Variants in CCDC80 observed in about 807,000 individuals in gnomAD.
CCDC80 encodes coiled-coil domain containing 80.
CCDC80 carries 49 observed loss-of-function variants against 78.7 expected under a neutral mutation model. The ratio of observed to expected loss-of-function variants is 0.62; its 90% CI spans 0.50 to 0.79. CCDC80 has a LOEUF of 0.79. CCDC80 is among the 30% of genes least tolerant of loss of function. The pLI is 0.00. For synonymous variants in CCDC80, 488 were observed against 447.0 expected (o/e 1.09, Z -1.16); for missense variants, 1,205 against 1,198.6 (o/e 1.01, Z -0.08).
At chr3:112,626,054 C>T (rs1024336688) in intron 3 of CCDC80, among the ~76,000 whole-genome samples, 6 of 152,144 alleles carry the variant, frequency 3.9e-5, no homozygotes, top group African/African-American at 1.4e-4. Flanking sequence ...ATTCTTCAAA[C>T]ACTTGTTTTG....
chr3:112,607,390 A>C (rs1427120831), intron 6 of CCDC80, 134 bp from the exon 7 acceptor site: 1 of 532,236 alleles, frequency 1.9e-6, no homozygotes, highest in East Asian at 3.3e-5. Context: ...ATTGAGAAGA[A>C]TAATCCATTT....
In CCDC80 at chr3:112,601,665, T is replaced by G. The variant is rs573852188; in HGVS notation, c.*3752A>C. On this transcript the variant is annotated 3_prime_UTR_variant, in exon 8 of 8. Coordinates refer to ENST00000206423, the MANE Select transcript of CCDC80 (RefSeq NM_199511.3). Reference sequence around the variant, plus strand: ...CTGCACTGCAGCCTGGGTGACAGAGTGAGACCCTCTCCAAAAAAAGAAAAA... The same window carrying G: ...CTGCACTGCAGCCTGGGTGACAGAGGGAGACCCTCTCCAAAAAAAGAAAAA... The G allele has an allele frequency of 7.9e-6, 1 of 126,754 alleles. No individual in the cohort carries two copies. Among genetic ancestry groups the G allele is most frequent in the Admixed American group, 8.4e-5 (1 of 11,908 alleles). The allele number at this position is 126,754 out of a possible 1,614,324, so 7.9% of individuals were successfully genotyped here. A position where few individuals can be genotyped will look rare whatever the true frequency, so the allele number is the denominator to read the frequency against.
At chr3:112,613,596 TTGAAACCC>T (rs1250280997) in intron 5 of CCDC80, among the ~76,000 whole-genome samples, 1 of 152,120 alleles carries the variant, frequency 6.6e-6, no homozygotes, top group Non-Finnish European at 1.5e-5. Context: ...CTTTCAAATT[TTGAAACCC>T]TTGACATAGT....
chr3:112,629,810 T>C (rs938560743), intron 3 of CCDC80, among the ~76,000 whole-genome samples: 9 of 152,210 alleles, frequency 5.9e-5, no homozygotes, highest in Admixed American at 3.9e-4. Flanking sequence ...CCAGAAAAAG[T>C]GTCTGAATGC....
Position 112,639,302 on chromosome 3 carries a change from T to G in CCDC80, c.604A>C (p.Arg202=). 1 of 1,614,182 alleles carries G rather than the reference T, an allele frequency of 6.2e-7. No individual in the cohort carries two copies. The highest frequency in any genetic ancestry group is 8.5e-7 in the Non-Finnish European group (1 of 1,180,028). Residue 202 remains arginine (R), a synonymous_variant, in exon 2 of 8, where the codon AGG becomes CGG. Coordinates refer to ENST00000206423, the MANE Select transcript of CCDC80 (RefSeq NM_199511.3). ...QAGEEGGKVR[R]ITSEGQILEQ... The stretch of plus-strand genomic sequence containing the variant: ...AGGATCTGGCCCTCGCTGGTGATCC[T>G]TCTCACCTTGCCTCCTTCCTCACCT...
intron 3 of CCDC80, among the ~76,000 whole-genome samples, chr3:112,626,443 C>CTA (rs1553747641): frequency 5.3e-5 from 8 of 151,992 alleles, no homozygotes; most frequent in Non-Finnish European, 8.8e-5. Context: ...ATCCTGATGA[C>CTA]TGAGGTTTCT....
intron 6 of CCDC80, 92 bp from the exon 7 acceptor site, chr3:112,607,348 T>TAGCAGTAACTCCAC: frequency 1.1e-6 from 1 of 883,080 alleles, no homozygotes; most frequent in South Asian, 1.8e-5. Flanking sequence ...TAAAAATCTC[T>TAGCAGTAACTCCAC]TAAATTTAAA....
chr3:112,614,346 A>G (rs548885129), intron 5 of CCDC80, among the ~76,000 whole-genome samples: 9 of 152,316 alleles, frequency 5.9e-5, no homozygotes, highest in Non-Finnish European at 1.2e-4. Context: ...AACTTGAAGT[A>G]TATTTATCAC....
At position 112,597,282 on chromosome 3, in the gene CCDC80, TAAGA is replaced by T. The variant is rs1320213195; in HGVS notation, c.*8131_*8134del. The T allele has an allele frequency of 6.6e-6, 1 of 152,174 alleles. No individual in the cohort carries two copies. Among genetic ancestry groups the T allele is most frequent in the Non-Finnish European group, 1.5e-5 (1 of 68,038 alleles). 9.4% of individuals were successfully genotyped at this position (152,174 alleles called of 1,614,324 possible). On this transcript the variant is annotated 3_prime_UTR_variant, in exon 8 of 8. Coordinates refer to ENST00000206423, the MANE Select transcript of CCDC80 (RefSeq NM_199511.3). ...TCCTCCAATTAGGAAGCTAAGTGGG[TAAGA>T]AAGAAAAAATAAAGGCAGAGCATAA...
At position 112,631,972 on chromosome 3, in the gene CCDC80, G is replaced by A. The variant is rs3915038; in HGVS notation, c.1879-1703C>T. ...CATGTGTTTCTATGCCTGCTCATAC[G>A]GACATTCTGGGTAGGAAATGCTTGT... On this transcript the variant is annotated intron_variant, in intron 2 of 7. Transcript: ENST00000206423. 9.4e-3 allele frequency among the ~76,000 whole-genome samples: 1,434 copies of A among 152,100 alleles called. 25 individuals are homozygous for A. The highest frequency in any genetic ancestry group is 0.033 in the African/African-American group (1,348 of 41,464).
At chr3:112,621,907 GT>G (rs1367244986) in intron 3 of CCDC80, among the ~76,000 whole-genome samples, 2 of 152,172 alleles carry the variant, frequency 1.3e-5, no homozygotes, top group Non-Finnish European at 2.9e-5. Flanking sequence ...AATTTTCCCT[GT>G]CCAGTCTTGT....
chr3:112,615,314 A>G (rs1935711306), intron 5 of CCDC80, among the ~76,000 whole-genome samples: 1 of 152,136 alleles, frequency 6.6e-6, no homozygotes, highest in Non-Finnish European at 1.5e-5. Flanking sequence ...GACATGAGTA[A>G]AGATTCTGCT....
In CCDC80 at chr3:112,598,148, T is replaced by G. The variant is rs1246354476; in HGVS notation, c.*7269A>C. The G allele has an allele frequency of 6.6e-6, 1 of 152,152 alleles. No homozygotes were observed. Among genetic ancestry groups the G allele is most frequent in the African/African-American group, 2.4e-5 (1 of 41,432 alleles). The allele number at this position is 152,152 out of a possible 1,614,324, so 9.4% of individuals were successfully genotyped here. ...TGCCTACCCTGTTCTAATTTGGCAC[T>G]CTAAAGATAGTTCATAAAAAGCAAG... On this transcript the variant is annotated 3_prime_UTR_variant, in exon 8 of 8. Coordinates refer to ENST00000206423, the MANE Select transcript of CCDC80 (RefSeq NM_199511.3).
chr3:112,616,365 C>T (rs1377785456), intron 5 of CCDC80, among the ~76,000 whole-genome samples: 1 of 146,980 alleles, frequency 6.8e-6, no homozygotes, highest in South Asian at 2.1e-4. Context: ...CAGAGATCTC[C>T]AGATTTACTG....
chr3:112,618,694 T>G (rs992469805), intron 4 of CCDC80, among the ~76,000 whole-genome samples: 1 of 152,166 alleles, frequency 6.6e-6, no homozygotes, highest in Non-Finnish European at 1.5e-5. Context: ...ATTTAACTAG[T>G]GTCTTATGAA....
At chr3:112,626,507 G>C (rs1166960341) in intron 3 of CCDC80, among the ~76,000 whole-genome samples, 1 of 152,120 alleles carries the variant, frequency 6.6e-6, no homozygotes, top group African/African-American at 2.4e-5. Flanking sequence ...ATTTTAGACT[G>C]ATTTGTATAC....
rs765958333 is a variant in CCDC80, at chr3:112,619,104, T to C, written c.2036A>G (p.Asp679Gly). 1.3e-6 allele frequency: 2 copies of C among 1,569,434 alleles called. No homozygotes were observed. The highest frequency in any genetic ancestry group is 1.7e-6 in the Non-Finnish European group (2 of 1,161,764). Reference sequence around the variant, plus strand: ...CACCACTCGCATGGGCTTCTCATTATCTTAAGGGAAATAAAATGTGAATGA... The same window carrying C: ...CACCACTCGCATGGGCTTCTCATTACCTTAAGGGAAATAAAATGTGAATGA... Reference protein sequence around the residue: ...STMKIDHFQLDNEKPMRVVDD... With the variant: ...STMKIDHFQLGNEKPMRVVDD... The change falls in exon 4 of 8, where the codon GAT (aspartate) becomes GGT (glycine). Residue 679 changes from aspartate to glycine, a missense_variant and splice_region_variant. Transcript: ENST00000206423.
chr3:112,633,292 C>G (rs1461780384), intron 2 of CCDC80, among the ~76,000 whole-genome samples: 1 of 152,178 alleles, frequency 6.6e-6, no homozygotes, highest in East Asian at 1.9e-4. Flanking sequence ...CCAAGTCACT[C>G]CTTCTACCTC....
intron 3 of CCDC80, among the ~76,000 whole-genome samples, chr3:112,622,799 G>A (rs1014540453): frequency 2.7e-5 from 4 of 150,524 alleles, no homozygotes; most frequent in Admixed American, 6.6e-5. Flanking sequence ...GGGATTACAG[G>A]CATGCACCAC....
Sources: allele counts gnomAD v4.1 joint callset (sites outside exome capture counted in the v4.1 genomes callset), GRCh38; gene constraint gnomAD v4.1.1; transcripts MANE v1.5; gene names NCBI Gene and HGNC (gene_info 2026-07-23, HGNC 2026-07-21).